COP1: variants seen among roughly 807,000 people sequenced by gnomAD.
The protein encoded by COP1 is COP1 E3 ubiquitin ligase.
In COP1, 24 loss-of-function variants were observed where a neutral mutation model predicts 101.3. The ratio of observed to expected loss-of-function variants is 0.24; its 90% CI spans 0.17 to 0.33. COP1 has a LOEUF of 0.33. Among genes scored for constraint, COP1 ranks in the 10% least tolerant of loss-of-function variants. The pLI is 1.00. For synonymous variants in COP1, 347 were observed against 341.9 expected, an observed-to-expected ratio of 1.01 and a Z score of -0.17; for missense variants, 663 against 906.2, an observed-to-expected ratio of 0.73 and a Z score of 3.45.
chr1:175,988,309 T>G lies in COP1; in HGVS notation c.1951A>C (p.Asn651His). Residue 651 changes from asparagine (N) to histidine (H), a missense_variant, in exon 17 of 20, where the codon AAT becomes CAT. Coordinates refer to ENST00000367669, the MANE Select transcript of COP1 (RefSeq NM_022457.7). The part of the protein sequence containing the change: ...NEKNFVGLAS[N>H]GDYIACGSEN... ...TTACCACAAGCTATATAATCTCCAT[T>G]GGAAGCCAGGCCTACAAAGTTTTTT... The G allele has an allele frequency of 1.2e-6, 2 of 1,612,182 alleles. No individual in the cohort carries two copies. The highest frequency in any genetic ancestry group is 1.7e-6 in the Non-Finnish European group (2 of 1,178,812).
At chr1:176,153,724 T>C (rs918891655) in intron 5 of COP1, among the ~76,000 whole-genome samples, 2 of 152,222 alleles carry the variant, frequency 1.3e-5, no homozygotes, top group Non-Finnish European at 2.9e-5. Flanking sequence ...GGCTGTGGGT[T>C]TGTCACAGAT....
At chr1:176,075,622 T>C (rs942346565) in intron 11 of COP1, among the ~76,000 whole-genome samples, 10 of 152,282 alleles carry the variant, frequency 6.6e-5, no homozygotes, top group Admixed American at 4.6e-4. Context: ...TTAAAATACT[T>C]AAGCATATAC....
intron 15 of COP1, among the ~76,000 whole-genome samples, chr1:176,004,061 C>G (rs1425211291): frequency 2.7e-5 from 4 of 146,754 alleles, no homozygotes; most frequent in Admixed American, 6.8e-5. Context: ...TGAAGAGGTC[C>G]TTCACATCCC....
chr1:176,041,372 G>C (rs1221518719), intron 14 of COP1, among the ~76,000 whole-genome samples: 1 of 46,348 alleles, frequency 2.2e-5, no homozygotes, highest in Admixed American at 2.0e-4. Context: ...TTTTGAGACA[G>C]AGTCTCGCTC....
At chr1:176,166,328 T>G (rs1212662647) in intron 3 of COP1, among the ~76,000 whole-genome samples, 1 of 152,190 alleles carries the variant, frequency 6.6e-6, no homozygotes, top group Non-Finnish European at 1.5e-5. Context: ...GGTTTCACCA[T>G]GTTGCCCAGG....
At position 176,116,604 on chromosome 1, in the gene COP1, C is replaced by G. The variant is rs1460412800; in HGVS notation, c.1026+20G>C. The G allele has an allele frequency of 6.3e-7, 1 of 1,582,554 alleles. No homozygotes were observed. Among genetic ancestry groups the G allele is most frequent in the East Asian group, 2.2e-5 (1 of 44,578 alleles). ...AATTATACTCATGGTATCATTAAAG[C>G]AAACAAAGATATCGTTTACCTGAGA... On this transcript the variant is annotated intron_variant, in intron 9 of 19. Transcript: ENST00000367669.
intron 3 of COP1, among the ~76,000 whole-genome samples, chr1:176,164,809 C>T (rs1156945471): frequency 6.6e-6 from 1 of 152,046 alleles, no homozygotes; most frequent in African/African-American, 2.4e-5. Context: ...TTTTCTACAA[C>T]CAACAAATAT....
chr1:176,070,263 ACTT>A (rs1428001518), intron 11 of COP1, among the ~76,000 whole-genome samples: 2 of 151,072 alleles, frequency 1.3e-5, no homozygotes, highest in African/African-American at 4.9e-5. Flanking sequence ...ATTCTTAAAT[ACTT>A]CTTCTGCCTT....
chr1:175,954,505 C>T (rs375648170), intron 18 of COP1, among the ~76,000 whole-genome samples: 10 of 151,742 alleles, frequency 6.6e-5, no homozygotes, highest in African/African-American at 2.2e-4. Context: ...AAAATTGATA[C>T]GCCTTAACAA....
intron 11 of COP1, among the ~76,000 whole-genome samples, chr1:176,059,013 A>T (rs1229982924): frequency 1.3e-5 from 2 of 152,190 alleles, no homozygotes; most frequent in Non-Finnish European, 2.9e-5. Flanking sequence ...TGGAGCTTTG[A>T]AGCCTTGCTT....
rs116674042 is a variant in COP1, at chr1:176,101,268, C to T, written c.1026+15356G>A. On this transcript the variant is annotated intron_variant, in intron 9 of 19. Coordinates refer to ENST00000367669, the MANE Select transcript of COP1 (RefSeq NM_022457.7). ...AAGAAAGAGGAACACCTCACTTTCC[C>T]TCCCTCAAATACTCCAGGTATTTGC... Among the ~76,000 whole-genome samples, 942 of 152,236 alleles carry T rather than the reference C, an allele frequency of 6.2e-3. 14 individuals are homozygous for T. Among genetic ancestry groups the T allele is most frequent in the African/African-American group, 0.021 (889 of 41,542 alleles).
At chr1:176,101,855 A>G (rs1366063505) in intron 9 of COP1, among the ~76,000 whole-genome samples, 1 of 152,068 alleles carries the variant, frequency 6.6e-6, no homozygotes, top group African/African-American at 2.4e-5. Context: ...TCTGACTGCC[A>G]TTTTCCCAAA....
At chr1:175,949,968 T>C (rs1431952639) in intron 18 of COP1, among the ~76,000 whole-genome samples, 1 of 152,134 alleles carries the variant, frequency 6.6e-6, no homozygotes, top group Non-Finnish European at 1.5e-5. Context: ...TCTTACAGTA[T>C]GAAAAATTAG....
chr1:176,170,555 G>A (rs142685717), intron 3 of COP1, among the ~76,000 whole-genome samples: 162 of 152,260 alleles, frequency 1.1e-3, no homozygotes, highest in African/African-American at 3.8e-3. Flanking sequence ...TAAGCAGTAG[G>A]TCTCAACAGT....
rs541206154 is a variant in COP1, at chr1:176,140,551, A to G, written c.832-4004T>C. On this transcript the variant is annotated intron_variant, in intron 6 of 19. Transcript: ENST00000367669. ...CATCAGTGCAAGACATTTTAGTACTAGTAAATAGAAAAATGATGAAGGACA... is the reference window on the plus strand; with the variant it reads ...CATCAGTGCAAGACATTTTAGTACTGGTAAATAGAAAAATGATGAAGGACA... Among the ~76,000 whole-genome samples the G allele has an allele frequency of 3.3e-5, 5 of 152,326 alleles. No homozygotes were observed. In the South Asian group the frequency reaches 1.0e-3, roughly 32 times the overall value.
At chr1:176,090,903 C>T (rs965751715) in intron 9 of COP1, among the ~76,000 whole-genome samples, 1 of 151,994 alleles carries the variant, frequency 6.6e-6, no homozygotes, top group African/African-American at 2.4e-5. Context: ...GAAATTATTC[C>T]GATCAAGTGA....
chr1:176,091,775 T>C (rs935650270), intron 9 of COP1, among the ~76,000 whole-genome samples: 1 of 151,866 alleles, frequency 6.6e-6, no homozygotes, highest in African/African-American at 2.4e-5. Context: ...AAAACAGAAG[T>C]ATAATAAGTA....
chr1:176,013,904 T>C (rs1193675377), intron 15 of COP1, among the ~76,000 whole-genome samples: 2 of 152,196 alleles, frequency 1.3e-5, no homozygotes, highest in African/African-American at 4.8e-5. Context: ...AAAGTATGTA[T>C]GTTTTACAGC....
chr1:176,017,097 C>G (rs1665797042), intron 15 of COP1, among the ~76,000 whole-genome samples: 1 of 152,104 alleles, frequency 6.6e-6, no homozygotes, highest in South Asian at 2.1e-4. Context: ...TTAAAATGAT[C>G]AGGTGAAATA....
Sources: gnomAD v4.1 joint callset for allele counts (sites outside exome capture counted in the v4.1 genomes callset) on GRCh38, gnomAD v4.1.1 for gene constraint, MANE v1.5 for transcripts, NCBI Gene and HGNC (gene_info 2026-07-23, HGNC 2026-07-21) for gene names.